The following AKT3 variants were observed in gnomAD, a reference collection of about 807,000 sequenced individuals.
AKT3 encodes AKT serine/threonine kinase 3, also known as RAC-gamma serine/threonine-protein kinase.
AKT3 carries 15 observed loss-of-function variants against 65.3 expected under a neutral mutation model. That is an observed-to-expected ratio of 0.23 (90% CI 0.15 to 0.35). The LOEUF (loss-of-function observed/expected upper bound fraction) is 0.35. Among genes scored for constraint, AKT3 ranks in the 10% least tolerant of loss-of-function variants. The pLI, the probability that AKT3 is intolerant of heterozygous loss-of-function variation, is 1.00. For synonymous variants in AKT3, 206 were observed against 183.8 expected (o/e 1.12, Z -0.98); for missense variants, 243 against 576.5 (o/e 0.42, Z 5.92).
intron 12 of AKT3, among the ~76,000 whole-genome samples, chr1:243,515,956 G>T (rs1342091415): frequency 6.7e-6 from 1 of 149,298 alleles, no homozygotes; most frequent in African/African-American, 2.5e-5. Flanking sequence ...CAGCCTGGGC[G>T]ACGGAGCAAG....
intron 2 of AKT3, among the ~76,000 whole-genome samples, chr1:243,823,405 G>T (rs1014481976): frequency 1.3e-5 from 2 of 152,180 alleles, no homozygotes; most frequent in African/African-American, 4.8e-5. Flanking sequence ...ATTTAACATA[G>T]TATTGGAAGT....
At chr1:243,839,448 A>C (rs922397414) in intron 2 of AKT3, among the ~76,000 whole-genome samples, 2 of 152,232 alleles carry the variant, frequency 1.3e-5, no homozygotes, top group South Asian at 4.1e-4. Context: ...AAACGCAGAC[A>C]ATACTTTACT....
In AKT3 at chr1:243,609,790, C is replaced by T. The variant is rs150943089; in HGVS notation, c.696+3881G>A. ...GAGTATTAATGCTAAAGAAAATCAT[C>T]TGGCTAATCTGAAAATCTGCTTTTA... On this transcript the variant is annotated intron_variant, in intron 8 of 13. Transcript: ENST00000673466. Among the ~76,000 whole-genome samples the T allele has an allele frequency of 1.5e-4, 23 of 152,270 alleles. No homozygotes were observed. The East Asian group carries it at 2.3e-3, about 15-fold the overall frequency.
intron 8 of AKT3, among the ~76,000 whole-genome samples, chr1:243,601,238 A>C (rs1676978028): frequency 6.6e-6 from 1 of 152,234 alleles, no homozygotes. Flanking sequence ...AATAAATCTG[A>C]CAACTCAATA....
chr1:243,662,190 G>C (rs1226741937), intron 4 of AKT3, among the ~76,000 whole-genome samples: 1 of 152,090 alleles, frequency 6.6e-6, no homozygotes, highest in Non-Finnish European at 1.5e-5. Flanking sequence ...ATTTGACCCA[G>C]CCATCCCATA....
rs1680362648 is a variant in AKT3 at position 243,641,241 on chromosome 1, C to CAT, written c.430-3501_430-3500dup. On this transcript the variant is annotated intron_variant, in intron 5 of 13. Transcript: ENST00000673466. ...GTGTTTAATACTCCTTAATAAACTCCATATATATGTGTGTGTGTATATATA... is the reference window on the plus strand; with the variant it reads ...GTGTTTAATACTCCTTAATAAACTCCATATATATATGTGTGTGTGTATATATA... Among the ~76,000 whole-genome samples the CAT allele has an allele frequency of 3.2e-5, 4 of 123,732 alleles. No individual in the cohort carries two copies. The Admixed American group carries it at 3.7e-4, about 12-fold the overall frequency. The allele number at this position is 123,732 out of a possible 152,430, so 81.2% of individuals were successfully genotyped here.
At chr1:243,687,740 A>G (rs1317855231) in intron 3 of AKT3, 1 of 152,172 alleles carries the variant, frequency 6.6e-6, no homozygotes, top group African/African-American at 2.4e-5. Flanking sequence ...AGAAGGAAAT[A>G]TGTGACATTG....
intron 2 of AKT3, among the ~76,000 whole-genome samples, chr1:243,772,494 C>G (rs1410861902): frequency 1.3e-5 from 2 of 152,192 alleles, no homozygotes; most frequent in Non-Finnish European, 2.9e-5. Flanking sequence ...GAGATATCAT[C>G]TCACATCAGT....
At chr1:243,822,361 A>G (rs1319052220) in intron 2 of AKT3, among the ~76,000 whole-genome samples, 1 of 152,096 alleles carries the variant, frequency 6.6e-6, no homozygotes, top group East Asian at 1.9e-4. Context: ...CATCACAACT[A>G]AAAGAACTAG....
chr1:243,652,221 T>C (rs1030105200), intron 4 of AKT3, among the ~76,000 whole-genome samples: 1 of 151,996 alleles, frequency 6.6e-6, no homozygotes, highest in Non-Finnish European at 1.5e-5. Context: ...CTAATTTTTT[T>C]GTATTTCTGG....
chr1:243,526,776 G>A, intron 12 of AKT3, among the ~76,000 whole-genome samples: 1 of 1,374 alleles, frequency 7.3e-4, no homozygotes, highest in Non-Finnish European at 1.5e-3. Flanking sequence ...TACAAAAAAT[G>A]GTTAAAAAAA....
chr1:243,500,400 G>T lies in AKT3; in HGVS notation c.*4849C>A, dbSNP rs1435141708. 4.4e-6 allele frequency: 1 copy of T among 225,334 alleles called. No homozygotes were observed. The highest frequency in any genetic ancestry group is 5.7e-5 in the Admixed American group (1 of 17,526). 14.0% of individuals were successfully genotyped at this position (225,334 alleles called of 1,614,324 possible). On this transcript the variant is annotated 3_prime_UTR_variant, in exon 14 of 14. Transcript: ENST00000673466. ...ACAAAAAAGCATCTTTGGCTCGGTGGTGTCAGATTTTTTTCTTCAATACGC... is the reference window on the plus strand; with the variant it reads ...ACAAAAAAGCATCTTTGGCTCGGTGTTGTCAGATTTTTTTCTTCAATACGC...
chr1:243,539,345 C>T (rs1672141163), intron 12 of AKT3, among the ~76,000 whole-genome samples: 1 of 151,908 alleles, frequency 6.6e-6, no homozygotes, highest in African/African-American at 2.4e-5. Context: ...ATAATATTTC[C>T]CTTCCTGTAG....
At chr1:243,553,293 C>G (rs1286174693) in intron 10 of AKT3, among the ~76,000 whole-genome samples, 3 of 152,122 alleles carry the variant, frequency 2.0e-5, no homozygotes, top group African/African-American at 7.2e-5. Context: ...TCTGGTTCCA[C>G]CCATGTGGAC....
At chr1:243,746,130 C>T (rs1284406617) in intron 2 of AKT3, among the ~76,000 whole-genome samples, 1 of 151,882 alleles carries the variant, frequency 6.6e-6, no homozygotes. Flanking sequence ...TCCATTTAGC[C>T]CTATTTTAAT....
intron 2 of AKT3, among the ~76,000 whole-genome samples, chr1:243,825,556 G>C (rs1382636712): frequency 6.6e-6 from 1 of 152,170 alleles, no homozygotes; most frequent in Non-Finnish European, 1.5e-5. Flanking sequence ...TTCAAACTAT[G>C]TAATTTGGAT....
intron 2 of AKT3, among the ~76,000 whole-genome samples, chr1:243,745,392 A>G (rs1407767428): frequency 6.6e-6 from 1 of 152,212 alleles, no homozygotes; most frequent in Non-Finnish European, 1.5e-5. Context: ...ACGAGATATG[A>G]TGTCAAAATT....
In AKT3 at chr1:243,695,610, G is replaced by T; in HGVS notation, c.153C>A (p.Leu51=). ...KPQDVDLPYP[L]NNFSVAKCQL... is the part of the protein sequence containing the mutation. Reference sequence around the variant, plus strand: ...ACTTACTTGCCACTGAAAAGTTGTTGAGGGGATAAGGTAAATCCACATCTT... The same window carrying T: ...ACTTACTTGCCACTGAAAAGTTGTTTAGGGGATAAGGTAAATCCACATCTT... The change falls in exon 3 of 14, where the codon CTC becomes CTA. Residue 51 remains leucine, a synonymous_variant. Coordinates refer to ENST00000673466, the MANE Select transcript of AKT3 (RefSeq NM_005465.7). The T allele has an allele frequency of 6.3e-7, 1 of 1,599,206 alleles. No individual in the cohort carries two copies. Among genetic ancestry groups the T allele is most frequent in the South Asian group, 1.1e-5 (1 of 88,368 alleles).
intron 2 of AKT3, among the ~76,000 whole-genome samples, chr1:243,815,688 C>T (rs1035730050): frequency 6.6e-6 from 1 of 151,160 alleles, no homozygotes; most frequent in Non-Finnish European, 1.5e-5. Flanking sequence ...ACCCCCACCT[C>T]CCAGGCTCAA....
Sources: gnomAD v4.1 joint callset for allele counts (sites outside exome capture counted in the v4.1 genomes callset) on GRCh38, gnomAD v4.1.1 for gene constraint, MANE v1.5 for transcripts, NCBI Gene and HGNC (gene_info 2026-07-23, HGNC 2026-07-21) for gene names.